Variants in AK5 observed in about 807,000 individuals in gnomAD.
AK5 encodes the protein adenylate kinase 5.
A neutral mutation model predicts 69.5 loss-of-function variants in AK5; 27 were observed. The ratio of observed to expected loss-of-function variants is 0.39; its 90% confidence interval spans 0.29 to 0.54. The LOEUF (loss-of-function observed/expected upper bound fraction) is 0.54, where lower values mean the gene tolerates loss of function less well. Ranked by LOEUF, AK5 falls within the 20% of genes least tolerant of loss-of-function variation. The pLI is 0.71. For missense variants in AK5, 531 were observed against 700.4 expected, an observed-to-expected ratio of 0.76 and a Z score of 2.73; for synonymous variants, 260 against 244.4, an observed-to-expected ratio of 1.06 and a Z score of -0.60.
chr1:77,557,923 C>T (rs1416595247), intron 13 of AK5, among the ~76,000 whole-genome samples: 1 of 149,450 alleles, frequency 6.7e-6, no homozygotes, highest in Non-Finnish European at 1.5e-5. Flanking sequence ...GTTCATCGAT[C>T]ATTGATCTTT....
At chr1:77,521,796 T>C in intron 11 of AK5, 31 bp from the exon 12 acceptor site, 1 of 1,543,604 alleles carries the variant, frequency 6.5e-7, no homozygotes, top group South Asian at 1.1e-5. Context: ...GTGAAAGAGC[T>C]CAGGTCCTGA....
intron 8 of AK5, among the ~76,000 whole-genome samples, chr1:77,461,369 A>T (rs1334874108): frequency 6.6e-6 from 1 of 152,016 alleles, no homozygotes; most frequent in African/African-American, 2.4e-5. Flanking sequence ...TCTCATAGAA[A>T]TAGAAAGTAA....
At chr1:77,455,468 C>T (rs1228531168) in intron 8 of AK5, among the ~76,000 whole-genome samples, 1 of 152,134 alleles carries the variant, frequency 6.6e-6, no homozygotes, top group Non-Finnish European at 1.5e-5. Flanking sequence ...GCCCCTAAAA[C>T]AGCAAGTAAT....
intron 10 of AK5, among the ~76,000 whole-genome samples, chr1:77,493,294 G>A (rs1656105025): frequency 1.3e-5 from 2 of 151,502 alleles, no homozygotes; most frequent in Admixed American, 1.3e-4. Flanking sequence ...CTGGAGCTGG[G>A]TCATCCATTT....
chr1:77,351,927 C>CTTTTTTTTTTTTTTTTTTTTTTTTT (rs10658959), intron 6 of AK5, among the ~76,000 whole-genome samples: 3 of 138,170 alleles, frequency 2.2e-5, no homozygotes. Flanking sequence ...GCAAGTAATT[C>CTTTTTTTTTTTTTTTTTTTTTTTTT]TTTTTTTTTT....
intron 9 of AK5, among the ~76,000 whole-genome samples, chr1:77,483,955 A>G (rs925103851): frequency 4.6e-5 from 7 of 152,084 alleles, no homozygotes; most frequent in Non-Finnish European, 8.8e-5. Context: ...ACTTGAGGTC[A>G]GGAATTAAAG....
At chr1:77,519,816 G>T (rs1047251821) in intron 11 of AK5, among the ~76,000 whole-genome samples, 1 of 152,162 alleles carries the variant, frequency 6.6e-6, no homozygotes, top group Non-Finnish European at 1.5e-5. Flanking sequence ...GTTTTGGTGG[G>T]TTTTACCCAG....
At chr1:77,513,894 C>T (rs1051278819) in intron 10 of AK5, among the ~76,000 whole-genome samples, 8 of 152,094 alleles carry the variant, frequency 5.3e-5, no homozygotes, top group South Asian at 2.1e-4. Flanking sequence ...GTGGGCATGC[C>T]GAGGTGATGC....
chr1:77,554,859 A>G (rs550318146), intron 13 of AK5, among the ~76,000 whole-genome samples: 139 of 142,940 alleles, frequency 9.7e-4, no homozygotes, highest in Admixed American at 1.6e-3. Flanking sequence ...CTCGTGATCC[A>G]CCCGCCTTGG....
At chr1:77,433,102 G>A (rs1651746877) in intron 8 of AK5, among the ~76,000 whole-genome samples, 1 of 152,170 alleles carries the variant, frequency 6.6e-6, no homozygotes, top group African/African-American at 2.4e-5. Context: ...TTCTAAGGCG[G>A]CAAGCACAGA....
intron 1 of AK5, among the ~76,000 whole-genome samples, chr1:77,284,445 G>A (rs12126361): frequency 0.076 from 11,584 of 152,188 alleles, 595 homozygotes; most frequent in Middle Eastern, 0.13. Context: ...TTGTATTGAC[G>A]TATTGTCAGA....
rs79157871 is a variant in AK5, at chr1:77,306,891, C to T, written c.699+8944C>T. ...TTTATTGGCGTATAGCTGCTCATAT[C>T]AGCCACTAATGATCCTTGAATTTCT... On this transcript the variant is annotated intron_variant, in intron 5 of 13. Coordinates refer to ENST00000354567, the MANE Select transcript of AK5 (RefSeq NM_174858.3). Among the ~76,000 whole-genome samples, 436 of 152,080 alleles carry T rather than the reference C, an allele frequency of 2.9e-3. 1 individual carries two copies. The highest frequency in any genetic ancestry group is 0.01 in the African/African-American group (420 of 41,520).
chr1:77,430,076 A>G (rs1651503529), intron 8 of AK5, among the ~76,000 whole-genome samples: 2 of 151,628 alleles, frequency 1.3e-5, no homozygotes, highest in Non-Finnish European at 2.9e-5. Flanking sequence ...TTTTTAAAAC[A>G]TTTTTCTGGC....
In AK5 at chr1:77,356,325, G is replaced by A. The variant is rs549960278; in HGVS notation, c.891+15757G>A. On this transcript the variant is annotated intron_variant, in intron 6 of 13. Coordinates refer to ENST00000354567, the MANE Select transcript of AK5 (RefSeq NM_174858.3). ...AGTGCTAAATAAATATTTGTTGAGCGAAACATAGATTTAAACCAACACCCT... is the reference window on the plus strand; with the variant it reads ...AGTGCTAAATAAATATTTGTTGAGCAAAACATAGATTTAAACCAACACCCT... Among the ~76,000 whole-genome samples, 123 of 152,230 alleles carry A rather than the reference G, an allele frequency of 8.1e-4. 2 individuals are homozygous for A. The highest frequency in any genetic ancestry group is 1.5e-3 in the Non-Finnish European group (103 of 68,008).
At chr1:77,489,184 G>T (rs1311409552) in intron 10 of AK5, among the ~76,000 whole-genome samples, 3 of 152,154 alleles carry the variant, frequency 2.0e-5, no homozygotes, top group African/African-American at 7.2e-5. Context: ...CACAGTAGAA[G>T]ATCTTTGGAA....
At chr1:77,376,236 G>A (rs1399659676) in intron 6 of AK5, among the ~76,000 whole-genome samples, 2 of 152,024 alleles carry the variant, frequency 1.3e-5, no homozygotes, top group Non-Finnish European at 2.9e-5. Flanking sequence ...TTGATTTAAA[G>A]TCTGCAGCCA....
At chr1:77,439,156 G>A (rs1303666461) in intron 8 of AK5, among the ~76,000 whole-genome samples, 1 of 152,144 alleles carries the variant, frequency 6.6e-6, no homozygotes, top group African/African-American at 2.4e-5. Context: ...GAGACTCTCT[G>A]AAAGAAAATA....
intron 10 of AK5, among the ~76,000 whole-genome samples, chr1:77,498,806 T>C (rs137871444): frequency 1.3e-3 from 203 of 152,350 alleles, no homozygotes; most frequent in African/African-American, 4.8e-3. Flanking sequence ...GAGGAAACCA[T>C]AACAGAAGTT....
chr1:77,368,247 A>ATATATATATATATGTTATATATATGT (rs1647045694), intron 6 of AK5, among the ~76,000 whole-genome samples: 1 of 88,690 alleles, frequency 1.1e-5, no homozygotes, highest in Non-Finnish European at 2.3e-5. Flanking sequence ...ATATATATAT[A>ATATATATATATATGTTATATATATGT]TATATAATAT....
Sources: allele counts gnomAD v4.1 joint callset (sites outside exome capture counted in the v4.1 genomes callset), GRCh38; gene constraint gnomAD v4.1.1; transcripts MANE v1.5; gene names NCBI Gene and HGNC (gene_info 2026-07-23, HGNC 2026-07-21).